RAB11FIP3: variants seen among roughly 807,000 people sequenced by gnomAD.
RAB11FIP3 encodes the protein rab11 family-interacting protein 3.
Under a neutral mutation model 77.8 loss-of-function variants are expected in RAB11FIP3, and 17 were observed. The observed-to-expected ratio is 0.22, with a 90% confidence interval of 0.15 to 0.33. RAB11FIP3 has a LOEUF of 0.33. Ranked by LOEUF, RAB11FIP3 falls within the 10% of genes least tolerant of loss-of-function variation. The pLI, the probability that RAB11FIP3 is intolerant of heterozygous loss-of-function variation, is 1.00. For synonymous variants in RAB11FIP3, 437 were observed against 448.2 expected, an observed-to-expected ratio of 0.98 and a Z score of 0.31; for missense variants, 1,005 against 1,011.2, an observed-to-expected ratio of 0.99 and a Z score of 0.08.
intron 3 of RAB11FIP3, among the ~76,000 whole-genome samples, chr16:475,326 C>T (rs770918581): frequency 4.6e-5 from 7 of 152,170 alleles, no homozygotes; most frequent in East Asian, 3.8e-4. Flanking sequence ...GATTTTCAAG[C>T]GAGTTCATCT....
At chr16:454,398 G>A (rs1221224198) in intron 1 of RAB11FIP3, among the ~76,000 whole-genome samples, 4 of 152,192 alleles carry the variant, frequency 2.6e-5, no homozygotes, top group Admixed American at 6.6e-5. Flanking sequence ...GCAACATAGC[G>A]AGATCGCCTC....
intron 8 of RAB11FIP3, among the ~76,000 whole-genome samples, chr16:509,859 C>T (rs2032047221): frequency 6.6e-6 from 1 of 152,306 alleles, no homozygotes; most frequent in East Asian, 1.9e-4. Context: ...CAGGAAGCCT[C>T]GTGAGCACCT....
chr16:429,680 A>G (rs1299728054), intron 1 of RAB11FIP3, among the ~76,000 whole-genome samples: 1 of 151,856 alleles, frequency 6.6e-6, no homozygotes, highest in Non-Finnish European at 1.5e-5. Context: ...TTGTATTTTT[A>G]GTAGAGACGG....
At position 452,074 on chromosome 16, in the gene RAB11FIP3, C is replaced by G. The variant is rs180796116; in HGVS notation, c.715-9330C>G. Among the ~76,000 whole-genome samples the G allele has an allele frequency of 2.3e-4, 35 of 152,166 alleles. No individual in the cohort carries two copies. The South Asian group carries it at 7.3e-3, about 32-fold the overall frequency. ...TGATGAGGGAGAATCATTTGAACCT[C>G]GGGAGGGCAGATGTTGCAGTGAGTT... On this transcript the variant is annotated intron_variant, in intron 1 of 13. Transcript: ENST00000262305.
intron 6 of RAB11FIP3, among the ~76,000 whole-genome samples, chr16:501,563 G>T (rs144187944): frequency 9.7e-5 from 14 of 144,878 alleles, no homozygotes; most frequent in African/African-American, 3.4e-4. Flanking sequence ...GAAGCTGGGA[G>T]AGGGTCCCCC....
intron 1 of RAB11FIP3, among the ~76,000 whole-genome samples, chr16:460,292 A>C (rs955470495): frequency 3.9e-5 from 6 of 151,996 alleles, no homozygotes; most frequent in Admixed American, 1.3e-4. Context: ...TGCTTTTATT[A>C]ATGTCTTTTG....
intron 4 of RAB11FIP3, among the ~76,000 whole-genome samples, chr16:485,362 C>A (rs1451855433): frequency 6.6e-6 from 1 of 152,122 alleles, no homozygotes; most frequent in Non-Finnish European, 1.5e-5. Context: ...TATCACAGAT[C>A]CTTTTTGCTG....
intron 9 of RAB11FIP3, among the ~76,000 whole-genome samples, chr16:516,175 C>A (rs568436463): frequency 6.6e-6 from 1 of 152,330 alleles, no homozygotes; most frequent in South Asian, 2.1e-4. Flanking sequence ...GTAGAGGACA[C>A]CTTAAGCCCT....
intron 1 of RAB11FIP3, among the ~76,000 whole-genome samples, chr16:436,826 C>T (rs1002369168): frequency 5.3e-5 from 8 of 152,270 alleles, no homozygotes; most frequent in South Asian, 2.1e-4. Flanking sequence ...AACCCCTGGC[C>T]TCAAGCAGTC....
rs552985872 is a variant in RAB11FIP3 at position 514,635 on chromosome 16, G to T, written c.1640+3835G>T. Among the ~76,000 whole-genome samples the T allele has an allele frequency of 1.3e-5, 2 of 152,342 alleles. No individual in the cohort carries two copies. Among genetic ancestry groups the T allele is most frequent in the Admixed American group, 6.5e-5 (1 of 15,304 alleles). On this transcript the variant is annotated intron_variant, in intron 9 of 13. Transcript: ENST00000262305. The surrounding 1 kb of genome is among the most constrained non-coding windows in gnomAD (Gnocchi z 4.6). ...ATCAGCAGAATGGGGCTGTACGAAG[G>T]TCACAGGCAGAGATCTGAATCTCAG...
intron 1 of RAB11FIP3, among the ~76,000 whole-genome samples, chr16:451,188 G>A (rs377128328): frequency 4.6e-5 from 7 of 152,066 alleles, no homozygotes; most frequent in African/African-American, 1.7e-4. Context: ...TTTGTGGTAT[G>A]TGAATTTTAT....
At chr16:456,125 A>G (rs2055499034) in intron 1 of RAB11FIP3, among the ~76,000 whole-genome samples, 1 of 151,888 alleles carries the variant, frequency 6.6e-6, no homozygotes, top group Non-Finnish European at 1.5e-5. Context: ...TGAGGTCAGG[A>G]GTTCAAGACC....
Position 513,945 on chromosome 16 carries a change from C to T in RAB11FIP3, c.1640+3145C>T, listed in dbSNP as rs552780004. Among the ~76,000 whole-genome samples, 335 of 152,290 alleles carry T rather than the reference C, an allele frequency of 2.2e-3. 5 individuals carry two copies. The highest frequency in any genetic ancestry group is 7.6e-3 in the African/African-American group (315 of 41,554). On this transcript the variant is annotated intron_variant, in intron 9 of 13. Coordinates refer to ENST00000262305, the MANE Select transcript of RAB11FIP3 (RefSeq NM_014700.4). ...TTAAAGTACGTTTCTCGTCTGTGAG[C>T]GCCAGGGAGCACCTCCCATGGGACC...
At chr16:494,044 C>T (rs1298527621) in intron 5 of RAB11FIP3, among the ~76,000 whole-genome samples, 2 of 103,896 alleles carry the variant, frequency 1.9e-5, no homozygotes, top group Non-Finnish European at 3.8e-5. Context: ...GCTGGGACTA[C>T]AGGCGCCCAT....
chr16:497,816 T>C (rs2031253099), intron 6 of RAB11FIP3, among the ~76,000 whole-genome samples: 1 of 152,058 alleles, frequency 6.6e-6, no homozygotes, highest in Non-Finnish European at 1.5e-5. Context: ...GGGATCATTT[T>C]CCTGTAAGAT....
intron 2 of RAB11FIP3, among the ~76,000 whole-genome samples, chr16:470,145 C>G (rs764004500): frequency 6.6e-6 from 1 of 151,878 alleles, no homozygotes. Context: ...TACAGGTGTT[C>G]GCCACTATGC....
intron 4 of RAB11FIP3, 49 bp from the exon 5 acceptor site, chr16:488,802 G>T: frequency 6.3e-7 from 1 of 1,589,312 alleles, no homozygotes; most frequent in South Asian, 1.1e-5. Context: ...TCAGCTCGGG[G>T]GTGCCCTGGC....
In RAB11FIP3 at chr16:426,515, G is replaced by A. The variant is rs1402756389; in HGVS notation, c.509G>A (p.Gly170Asp). 3 of 1,557,278 alleles carry A rather than the reference G, an allele frequency of 1.9e-6. No homozygotes were observed. The highest frequency in any genetic ancestry group is 2.3e-5 in the South Asian group (2 of 85,128). Residue 170 changes from glycine to aspartate, a missense_variant, in exon 1 of 14, where the codon GGC becomes GAC. Around this residue, in one of 4 missense-constraint regions of RAB11FIP3, gnomAD observed 466 missense variants for 408.3 expected, o/e 1.14. Coordinates refer to ENST00000262305, the MANE Select transcript of RAB11FIP3 (RefSeq NM_014700.4). The surrounding 1 kb of genome is among the most constrained non-coding windows in gnomAD (Gnocchi z 5.0). Reference sequence around the variant, plus strand: ...TCTCCCTTCCCCGCGCCCACGGCGGGCGAGCTGGCGCTGGAGCAAGGTCCC... The same window carrying A: ...TCTCCCTTCCCCGCGCCCACGGCGGACGAGCTGGCGCTGGAGCAAGGTCCC... Reference protein sequence around the residue: ...VFSPFPAPTAGELALEQGPGS... With the variant: ...VFSPFPAPTADELALEQGPGS...
rs1450904389 is a variant in RAB11FIP3 at position 461,649 on chromosome 16, T to C, written c.808+152T>C. 1 of 602,332 alleles carries C rather than the reference T, an allele frequency of 1.7e-6. No homozygotes were observed. Among genetic ancestry groups the C allele is most frequent in the Non-Finnish European group, 2.9e-6 (1 of 348,714 alleles). The allele number at this position is 602,332 out of a possible 1,614,324, so 37.3% of individuals were successfully genotyped here. A position where few individuals can be genotyped will look rare whatever the true frequency, so the allele number is the denominator to read the frequency against. On this transcript the variant is annotated intron_variant, in intron 2 of 13. Transcript: ENST00000262305. The surrounding 1 kb of genome is among the most constrained non-coding windows in gnomAD (Gnocchi z 4.5). ...ATACCCCAGGTTTCCAGGTGGTCTCTTTCCTTTCTTGTTACCTTCTCCTCA... is the reference window on the plus strand; with the variant it reads ...ATACCCCAGGTTTCCAGGTGGTCTCCTTCCTTTCTTGTTACCTTCTCCTCA...
Sources: gnomAD v4.1 joint callset for allele counts (sites outside exome capture counted in the v4.1 genomes callset) on GRCh38, gnomAD v4.1.1 for gene constraint, gnomAD v4.1.1 regional missense constraint, Gnocchi (gnomAD v3.1) non-coding constraint, MANE v1.5 for transcripts, NCBI Gene and HGNC (gene_info 2026-07-23, HGNC 2026-07-21) for gene names.